Variants in MARCHF1 observed in about 807,000 individuals in gnomAD.
MARCHF1 encodes the protein E3 ubiquitin-protein ligase MARCHF1.
Under a neutral mutation model 54.2 loss-of-function variants are expected in MARCHF1, and 40 were observed. The observed-to-expected ratio is 0.74, with a 90% CI of 0.57 to 0.96. MARCHF1 has a LOEUF of 0.96. MARCHF1 is among the 40% of genes least tolerant of loss of function. The pLI, the probability that MARCHF1 is intolerant of heterozygous loss-of-function variation, is 0.00. For synonymous variants in MARCHF1, 236 were observed against 236.3 expected, an observed-to-expected ratio of 1.00 and a Z score of 0.01; for missense variants, 586 against 656.5, an observed-to-expected ratio of 0.89 and a Z score of 1.17.
At chr4:164,215,622 C>T (rs911649074) in intron 1 of MARCHF1, among the ~76,000 whole-genome samples, 2 of 152,126 alleles carry the variant, frequency 1.3e-5, no homozygotes, top group African/African-American at 2.4e-5. Context: ...CCAGCACATC[C>T]GTTCCGTATC....
intron 2 of MARCHF1, among the ~76,000 whole-genome samples, chr4:164,016,572 T>C (rs1313862855): frequency 3.9e-5 from 6 of 152,052 alleles, no homozygotes; most frequent in Admixed American, 3.9e-4. Context: ...AAGACAAATA[T>C]CACACGTGTT....
At chr4:164,322,856 G>C (rs948550166) in intron 1 of MARCHF1, among the ~76,000 whole-genome samples, 3 of 151,802 alleles carry the variant, frequency 2.0e-5, no homozygotes, top group Non-Finnish European at 4.4e-5. Flanking sequence ...AGTAATATTA[G>C]GTAATTATAA....
At chr4:164,134,123 A>T (rs1357988722) in intron 1 of MARCHF1, among the ~76,000 whole-genome samples, 1 of 152,166 alleles carries the variant, frequency 6.6e-6, no homozygotes, top group East Asian at 1.9e-4. Context: ...TAATCTTTCT[A>T]AAAATCTTTT....
At chr4:164,337,595 C>T in intron 1 of MARCHF1, among the ~76,000 whole-genome samples, 1 of 152,212 alleles carries the variant, frequency 6.6e-6, no homozygotes, top group East Asian at 1.9e-4. Flanking sequence ...CTGTGGACAA[C>T]CACCCAAAAC....
In MARCHF1 at chr4:163,773,407, G is replaced by T. The variant is rs78121424; in HGVS notation, c.112-72544C>A. On this transcript the variant is annotated intron_variant, in intron 4 of 9. Transcript: ENST00000514618. The stretch of plus-strand genomic sequence containing the variant: ...AAGAGGATCACATATCCTTTGAGCT[G>T]CAGGATTTTAAATAGATGGATGATA... 7.4e-3 allele frequency among the ~76,000 whole-genome samples: 1,122 copies of T among 152,246 alleles called. 17 individuals are homozygous for T. The highest frequency in any genetic ancestry group is 0.026 in the African/African-American group (1,063 of 41,534).
At chr4:164,285,426 A>G (rs1168067840) in intron 1 of MARCHF1, among the ~76,000 whole-genome samples, 1 of 151,814 alleles carries the variant, frequency 6.6e-6, no homozygotes, top group Non-Finnish European at 1.5e-5. Context: ...ATAAAACAAA[A>G]ATGTTTAATT....
chr4:164,289,277 T>C (rs1390059634), intron 1 of MARCHF1, among the ~76,000 whole-genome samples: 4 of 152,004 alleles, frequency 2.6e-5, no homozygotes, highest in African/African-American at 7.2e-5. Context: ...CCTAGGAAGA[T>C]TGTGAACCAC....
chr4:164,141,233 G>C (rs985896434), intron 1 of MARCHF1, among the ~76,000 whole-genome samples: 1 of 152,094 alleles, frequency 6.6e-6, no homozygotes, highest in Admixed American at 6.6e-5. Context: ...CTAAGGATGG[G>C]GGCTTCTAGA....
intron 2 of MARCHF1, among the ~76,000 whole-genome samples, chr4:164,033,466 A>G (rs763941721): frequency 2.0e-5 from 3 of 152,200 alleles, no homozygotes; most frequent in Non-Finnish European, 4.4e-5. Context: ...AGCAAAAGAA[A>G]CTATCATCAG....
intron 4 of MARCHF1, among the ~76,000 whole-genome samples, chr4:163,722,960 G>A (rs946392455): frequency 2.0e-5 from 3 of 152,020 alleles, no homozygotes; most frequent in Non-Finnish European, 4.4e-5. Flanking sequence ...CACACTGATG[G>A]GTCTTGACTC....
chr4:163,830,234 C>G (rs538651398), intron 4 of MARCHF1, among the ~76,000 whole-genome samples: 1 of 151,368 alleles, frequency 6.6e-6, no homozygotes, highest in Admixed American at 6.6e-5. Context: ...AATATTTCAT[C>G]TCTCTTTTTA....
rs545402681 is a variant in MARCHF1, at chr4:163,968,732, C to G, written c.-39+19769G>C. Among the ~76,000 whole-genome samples, 23 of 152,216 alleles carry G rather than the reference C, an allele frequency of 1.5e-4. 1 individual carries two copies. Among genetic ancestry groups the G allele is most frequent in the African/African-American group, 5.5e-4 (23 of 41,546 alleles). ...AGATGCAGACACCCATATCCTAATACTTGGCCACCATTTCCTTCCTCACTC... is the reference window on the plus strand; with the variant it reads ...AGATGCAGACACCCATATCCTAATAGTTGGCCACCATTTCCTTCCTCACTC... On this transcript the variant is annotated intron_variant, in intron 3 of 9. Coordinates refer to ENST00000514618, the MANE Select transcript of MARCHF1 (RefSeq NM_001394959.1).
At chr4:164,138,246 C>T (rs1366065872) in intron 1 of MARCHF1, among the ~76,000 whole-genome samples, 3 of 150,240 alleles carry the variant, frequency 2.0e-5, no homozygotes, top group Admixed American at 6.6e-5. Flanking sequence ...GCAATTGTAA[C>T]GTTAAGTTTC....
chr4:163,662,067 CT>C (rs1485670751), intron 5 of MARCHF1, among the ~76,000 whole-genome samples: 6 of 151,884 alleles, frequency 4.0e-5, no homozygotes, highest in African/African-American at 1.2e-4. Flanking sequence ...GGAATAAAAT[CT>C]TTTTTTTCTT....
At chr4:164,030,507 T>C (rs1753855614) in intron 2 of MARCHF1, among the ~76,000 whole-genome samples, 1 of 152,196 alleles carries the variant, frequency 6.6e-6, no homozygotes, top group African/African-American at 2.4e-5. Context: ...ATGAACACTT[T>C]CTGTGAAAGA....
chr4:163,931,270 G>A (rs1168948954), intron 3 of MARCHF1, among the ~76,000 whole-genome samples: 1 of 152,146 alleles, frequency 6.6e-6, no homozygotes, highest in African/African-American at 2.4e-5. Context: ...ATGGCAGCCT[G>A]AGCTGACTAA....
chr4:163,574,630 T>G (rs1312645762), intron 8 of MARCHF1, among the ~76,000 whole-genome samples: 1 of 150,352 alleles, frequency 6.7e-6, no homozygotes, highest in Non-Finnish European at 1.5e-5. Flanking sequence ...GTTGTAGATA[T>G]GCGGTGTTAT....
intron 1 of MARCHF1, among the ~76,000 whole-genome samples, chr4:164,339,320 T>C (rs899649790): frequency 6.6e-6 from 1 of 152,164 alleles, no homozygotes; most frequent in African/African-American, 2.4e-5. Flanking sequence ...AGATAATATA[T>C]GTTGGGCCAC....
At chr4:164,299,236 A>G (rs1345444917) in intron 1 of MARCHF1, among the ~76,000 whole-genome samples, 1 of 152,142 alleles carries the variant, frequency 6.6e-6, no homozygotes, top group Non-Finnish European at 1.5e-5. Context: ...CTCTCCATTA[A>G]AATGGCCTCC....
Sources: gnomAD v4.1 joint callset for allele counts (sites outside exome capture counted in the v4.1 genomes callset) on GRCh38, gnomAD v4.1.1 for gene constraint, MANE v1.5 for transcripts, NCBI Gene and HGNC (gene_info 2026-07-23, HGNC 2026-07-21) for gene names.